The following FANCA variants were observed in gnomAD, a reference collection of about 807,000 sequenced individuals.
FANCA encodes Fanconi anemia group A protein.
Under a neutral mutation model 194.3 loss-of-function variants are expected in FANCA, and 236 were observed. That is an observed-to-expected ratio of 1.21 (90% CI 1.09 to 1.35). The LOEUF (loss-of-function observed/expected upper bound fraction) is 1.35. Among genes scored for constraint, FANCA ranks in the 40% most tolerant of loss-of-function variants. The pLI, the probability that FANCA is intolerant of heterozygous loss-of-function variation, is 0.00. For synonymous variants in FANCA, 1,014 were observed against 715.8 expected, an observed-to-expected ratio of 1.42 and a Z score of -6.65; for missense variants, 2,628 against 1,813.9, an observed-to-expected ratio of 1.45 and a Z score of -8.15.
In FANCA at chr16:89,739,144, G is replaced by T. The variant is rs2062053882; in HGVS notation, c.4156C>A (p.Leu1386Ile). The T allele has an allele frequency of 6.2e-7, 1 of 1,614,138 alleles. No individual in the cohort carries two copies. Among genetic ancestry groups the T allele is most frequent in the South Asian group, 1.1e-5 (1 of 91,092 alleles). The change falls in exon 41 of 43, where the codon CTC becomes ATC. Residue 1386 changes from leucine to isoleucine, a missense_variant. Leu to Ile is a conservative substitution (Grantham distance 5). Transcript: ENST00000389301. ...VSPPAGRSLE[L>I]KGQGNPVELI... The stretch of plus-strand genomic sequence containing the variant: ...GCCCTTGCACCTGCCTGACCCTTGA[G>T]CTCCAGGCTCCTGCCAGCTGGAGGT...
At chr16:89,812,057 C>A (rs200489751) in intron 3 of FANCA, among the ~76,000 whole-genome samples, 15 of 149,460 alleles carry the variant, frequency 1.0e-4, no homozygotes, top group Non-Finnish European at 2.2e-4. Flanking sequence ...GAAACCGGGC[C>A]GGGCACGGTG....
At chr16:89,757,860 GA>G (rs1201377046) in intron 30 of FANCA, among the ~76,000 whole-genome samples, 1 of 152,182 alleles carries the variant, frequency 6.6e-6, no homozygotes, top group East Asian at 1.9e-4. Flanking sequence ...TGACAGAACA[GA>G]AAAACAACGT....
At chr16:89,787,372 A>T (rs1014639574) in intron 14 of FANCA, among the ~76,000 whole-genome samples, 8 of 152,008 alleles carry the variant, frequency 5.3e-5, no homozygotes, top group African/African-American at 1.9e-4. Context: ...AAATACAAAA[A>T]ATTAGCCGTG....
intron 35 of FANCA, among the ~76,000 whole-genome samples, chr16:89,745,936 G>C (rs2038373989): frequency 6.6e-6 from 1 of 152,200 alleles, no homozygotes; most frequent in Non-Finnish European, 1.5e-5. Flanking sequence ...GCTACAACTC[G>C]GTGCAAATGC....
intron 36 of FANCA, chr16:89,744,583 C>G (rs889477125): frequency 5.8e-6 from 2 of 346,332 alleles, no homozygotes; most frequent in Admixed American, 4.0e-5. Context: ...GGAGCAGGTG[C>G]AAAGGAATCA....
chr16:89,808,525 A>G (rs1210196442), intron 5 of FANCA, among the ~76,000 whole-genome samples, 158 bp from the exon 6 acceptor site: 2 of 152,202 alleles, frequency 1.3e-5, no homozygotes, highest in Non-Finnish European at 2.9e-5. Context: ...CCTGAAACAC[A>G]TCTTTTTTTA....
intron 17 of FANCA, among the ~76,000 whole-genome samples, 193 bp from the exon 18 acceptor site, chr16:89,780,150 G>A (rs557670681): frequency 1.3e-5 from 2 of 152,142 alleles, no homozygotes; most frequent in Non-Finnish European, 2.9e-5. Flanking sequence ...AGCACGACAG[G>A]GGAGGATGAC....
chr16:89,785,187 C>G (rs1031826887), intron 14 of FANCA, among the ~76,000 whole-genome samples: 3 of 152,156 alleles, frequency 2.0e-5, no homozygotes, highest in Admixed American at 6.5e-5. Context: ...AAGAGAAACA[C>G]CAAAAAGTCA....
At chr16:89,780,887 G>A (rs374076605) in intron 17 of FANCA, among the ~76,000 whole-genome samples, 31 of 150,286 alleles carry the variant, frequency 2.1e-4, no homozygotes, top group East Asian at 9.7e-4. Flanking sequence ...CTGTGATCAC[G>A]GTACTATACT....
At chr16:89,801,343 C>CAAAAAAAA (rs60802306) in intron 8 of FANCA, among the ~76,000 whole-genome samples, 2 of 100,332 alleles carry the variant, frequency 2.0e-5, no homozygotes, top group African/African-American at 7.6e-5. Flanking sequence ...GACTCTGTCT[C>CAAAAAAAA]AAAAAAAAAA....
chr16:89,808,241 A>G (rs2040739050), intron 6 of FANCA, 53 bp downstream of exon 6: 2 of 1,538,602 alleles, frequency 1.3e-6, no homozygotes, highest in Non-Finnish European at 1.8e-6. Context: ...AATATAATTT[A>G]TACTAGACTA....
chr16:89,746,563 C>T, intron 35 of FANCA, 21 bp downstream of exon 35: 1 of 1,606,820 alleles, frequency 6.2e-7, no homozygotes, highest in Non-Finnish European at 8.5e-7. Context: ...AACAAAACAC[C>T]AAACAAGACA....
intron 20 of FANCA, among the ~76,000 whole-genome samples, chr16:89,777,418 T>TAAA (rs1423029923): frequency 6.6e-6 from 1 of 151,990 alleles, no homozygotes; most frequent in Non-Finnish European, 1.5e-5. Flanking sequence ...AGAATAAACT[T>TAAA]ATTTTAAGAT....
At chr16:89,803,395 T>C (rs1454535167) in intron 7 of FANCA, 54 bp from the exon 8 acceptor site, 4 of 1,505,022 alleles carry the variant, frequency 2.7e-6, no homozygotes, top group Non-Finnish European at 3.7e-6. Flanking sequence ...TCCAAGCAAC[T>C]GTGAATGGCA....
rs1436768029 is a variant in FANCA at position 89,739,141 on chromosome 16, T to G, written c.4159A>C (p.Lys1387Gln). 1.2e-6 allele frequency: 2 copies of G among 1,614,134 alleles called. No homozygotes were observed. The highest frequency in any genetic ancestry group is 1.7e-6 in the Non-Finnish European group (2 of 1,180,020). The change falls in exon 41 of 43, where the codon AAG (lysine) becomes CAG (glutamine). Residue 1387 changes from lysine to glutamine, a missense_variant. By Grantham distance (53) the Lys-to-Gln change is moderately conservative. Coordinates refer to ENST00000389301, the MANE Select transcript of FANCA (RefSeq NM_000135.4). The part of the protein sequence containing the change: ...SPPAGRSLEL[K>Q]GQGNPVELIT... ...CTGGCCCTTGCACCTGCCTGACCCT[T>G]GAGCTCCAGGCTCCTGCCAGCTGGA...
At position 89,803,296 on chromosome 16, in the gene FANCA, T is replaced by G; in HGVS notation, c.755A>C (p.Asp252Ala). The G allele has an allele frequency of 1.2e-6, 2 of 1,614,190 alleles. No homozygotes were observed. The highest frequency in any genetic ancestry group is 1.7e-6 in the Non-Finnish European group (2 of 1,180,040). ...TTCAGGCTCCACAGTTCTTCTCAGA[T>G]CTGAGTTTTTCTGAAATCCCCTCAA... ...FVLRGFQKNS[D>A]LRRTVEPEKM... is the part of the protein sequence containing the mutation. The change falls in exon 8 of 43, where the codon GAT (aspartate) becomes GCT (alanine). Residue 252 changes from aspartate to alanine, a missense_variant. Coordinates refer to ENST00000389301, the MANE Select transcript of FANCA (RefSeq NM_000135.4).
chr16:89,739,750 A>C, intron 39 of FANCA, 197 bp from the exon 40 acceptor site: 1 of 1,487,808 alleles, frequency 6.7e-7, no homozygotes, highest in South Asian at 1.3e-5. Flanking sequence ...CTCTTGCAGG[A>C]GGGTGGGTGT....
chr16:89,768,040 G>C (rs1270500856), intron 26 of FANCA, among the ~76,000 whole-genome samples: 1 of 152,116 alleles, frequency 6.6e-6, no homozygotes, highest in Non-Finnish European at 1.5e-5. Context: ...GCCCAGGCTG[G>C]AGTGCAGTCG....
In FANCA at chr16:89,753,256, A is replaced by G. The variant is rs184808326; in HGVS notation, c.2982-1034T>C. ...TCATTGGAGGTGACTCACATTGTTT[A>G]CCCTGCCCCTTCTGCCTTGTATCCA... On this transcript the variant is annotated intron_variant, in intron 30 of 42. Transcript: ENST00000389301. Among the ~76,000 whole-genome samples, 540 of 152,066 alleles carry G rather than the reference A, an allele frequency of 3.6e-3. 1 individual carries two copies. The highest frequency in any genetic ancestry group is 6.2e-3 in the Non-Finnish European group (419 of 67,976).
Sources: gnomAD v4.1 joint callset for allele counts (sites outside exome capture counted in the v4.1 genomes callset) on GRCh38, gnomAD v4.1.1 for gene constraint, MANE v1.5 for transcripts, NCBI Gene and HGNC (gene_info 2026-07-23, HGNC 2026-07-21) for gene names.